FGF10: variants seen among roughly 807,000 people sequenced by gnomAD.
FGF10 encodes FGF-10.
Under a neutral mutation model 19.8 loss-of-function variants are expected in FGF10, and 2 were observed. The ratio of observed to expected loss-of-function variants is 0.10; its 90% confidence interval spans 0.04 to 0.32. FGF10 has a LOEUF of 0.32. Among genes scored for constraint, FGF10 ranks in the 10% least tolerant of loss-of-function variants. The probability of loss-of-function intolerance (pLI) is 1.00; values close to 1 mark genes in which losing one functional copy is unlikely to be tolerated. For missense variants in FGF10, 191 were observed against 246.3 expected, an observed-to-expected ratio of 0.78 and a Z score of 1.50; for synonymous variants, 112 against 94.0, an observed-to-expected ratio of 1.19 and a Z score of -1.10.
intron 1 of FGF10, among the ~76,000 whole-genome samples, chr5:44,368,720 G>A (rs1741676233): frequency 6.6e-6 from 1 of 152,050 alleles, no homozygotes; most frequent in Non-Finnish European, 1.5e-5. Context: ...CCAGGCTAGG[G>A]TTCAGTGGCA....
chr5:44,356,316 G>C (rs1402545311), intron 1 of FGF10, among the ~76,000 whole-genome samples: 1 of 151,354 alleles, frequency 6.6e-6, no homozygotes, highest in Non-Finnish European at 1.5e-5. Flanking sequence ...ATTGGGTAGT[G>C]AATTAAACCT....
At chr5:44,312,585 T>C (rs976390085) in intron 1 of FGF10, among the ~76,000 whole-genome samples, 1 of 152,092 alleles carries the variant, frequency 6.6e-6, no homozygotes, top group African/African-American at 2.4e-5. Flanking sequence ...CCATAGAGGA[T>C]AACGTCTGAA....
intron 1 of FGF10, among the ~76,000 whole-genome samples, chr5:44,377,169 G>A (rs148037709): frequency 5.0e-4 from 76 of 152,280 alleles, no homozygotes; most frequent in Non-Finnish European, 9.4e-4. Context: ...CTGTCTAGCT[G>A]GAGTCCCTTA....
chr5:44,367,060 GAGA>G (rs1741632319), intron 1 of FGF10, among the ~76,000 whole-genome samples: 1 of 151,998 alleles, frequency 6.6e-6, no homozygotes, highest in Non-Finnish European at 1.5e-5. Context: ...CCTCATATGT[GAGA>G]AGGTTAAAAA....
chr5:44,376,518 C>CCAAAAAAAAAAAAAAAAAAAAAAAAAA (rs1741866925), intron 1 of FGF10, among the ~76,000 whole-genome samples: 1 of 72,694 alleles, frequency 1.4e-5, no homozygotes, highest in Non-Finnish European at 2.7e-5. Flanking sequence ...AAAAAAAAAA[C>CCAAAAAAAAAAAAAAAAAAAAAAAAAA]AAAAAACCCA....
At chr5:44,362,344 T>C (rs1741508915) in intron 1 of FGF10, among the ~76,000 whole-genome samples, 1 of 151,698 alleles carries the variant, frequency 6.6e-6, no homozygotes, top group Non-Finnish European at 1.5e-5. Context: ...TTTCCTAGTA[T>C]TCTTGCTCCA....
At chr5:44,383,645 T>C (rs1193285644) in intron 1 of FGF10, among the ~76,000 whole-genome samples, 1 of 152,094 alleles carries the variant, frequency 6.6e-6, no homozygotes, top group East Asian at 1.9e-4. Context: ...AATAGATTTA[T>C]GATAAATCCA....
Position 44,370,650 on chromosome 5 carries a change from A to G in FGF10, c.325+17708T>C, listed in dbSNP as rs191755502. ...AGCTGTTTCAGTCAGCCTCAGCTCCATAAAAGCTCCATTACCCTAAGACTT... is the reference window on the plus strand; with the variant it reads ...AGCTGTTTCAGTCAGCCTCAGCTCCGTAAAAGCTCCATTACCCTAAGACTT... On this transcript the variant is annotated intron_variant, in intron 1 of 2. Transcript: ENST00000264664. Among the ~76,000 whole-genome samples the G allele has an allele frequency of 1.1e-4, 16 of 152,242 alleles. No individual in the cohort carries two copies. In the South Asian group the frequency reaches 2.1e-3, roughly 20 times the overall value.
At chr5:44,329,784 T>C (rs1490991937) in intron 1 of FGF10, among the ~76,000 whole-genome samples, 1 of 152,162 alleles carries the variant, frequency 6.6e-6, no homozygotes. Context: ...TCCCAACCCT[T>C]AAGCACGGGT....
intron 1 of FGF10, among the ~76,000 whole-genome samples, chr5:44,345,221 T>C (rs940256425): frequency 7.3e-5 from 11 of 151,666 alleles, no homozygotes; most frequent in Non-Finnish European, 1.3e-4. Context: ...AAACAAACAA[T>C]ATACTGCTGG....
At chr5:44,367,843 GTTT>G (rs5867664) in intron 1 of FGF10, among the ~76,000 whole-genome samples, 2,130 of 145,494 alleles carry the variant, frequency 0.015, 48 homozygotes, top group African/African-American at 0.05. Flanking sequence ...TTTGTATGCT[GTTT>G]TTTTTTTTTT....
chr5:44,355,765 G>T (rs369650506), intron 1 of FGF10, among the ~76,000 whole-genome samples: 1 of 151,366 alleles, frequency 6.6e-6, no homozygotes, highest in African/African-American at 2.4e-5. Context: ...TGAGAACAGA[G>T]TGTATTTATA....
intron 1 of FGF10, among the ~76,000 whole-genome samples, chr5:44,359,197 A>G (rs1351635): frequency 0.53 from 80,820 of 151,294 alleles, 23,711 homozygotes; most frequent in Non-Finnish European, 0.67. Context: ...TTTATGTGCC[A>G]GTAAAGTTTT....
intron 1 of FGF10, among the ~76,000 whole-genome samples, chr5:44,381,073 A>G (rs1741972947): frequency 6.6e-6 from 1 of 152,222 alleles, no homozygotes; most frequent in South Asian, 2.1e-4. Flanking sequence ...AAATAGGAAA[A>G]GCAGGAAGAG....
At chr5:44,342,805 A>T (rs1284149175) in intron 1 of FGF10, among the ~76,000 whole-genome samples, 1 of 152,024 alleles carries the variant, frequency 6.6e-6, no homozygotes, top group African/African-American at 2.4e-5. Context: ...TCTCTGTTTT[A>T]CATGAGTAAA....
chr5:44,315,339 A>G (rs1356339648), intron 1 of FGF10, among the ~76,000 whole-genome samples: 1 of 152,114 alleles, frequency 6.6e-6, no homozygotes, highest in Non-Finnish European at 1.5e-5. Context: ...GGATTTGGGA[A>G]GTTGAGAAGG....
chr5:44,321,491 T>C (rs987135857), intron 1 of FGF10, among the ~76,000 whole-genome samples: 9 of 152,186 alleles, frequency 5.9e-5, no homozygotes, highest in South Asian at 4.1e-4. Flanking sequence ...GAAAACTGAA[T>C]TGGTCATTTT....
chr5:44,379,961 AGCT>A (rs1741950408), intron 1 of FGF10, among the ~76,000 whole-genome samples: 1 of 152,130 alleles, frequency 6.6e-6, no homozygotes, highest in African/African-American at 2.4e-5. Context: ...AGCATATTTG[AGCT>A]CTAAAACACT....
chr5:44,307,804 G>A (rs942997571), intron 2 of FGF10, among the ~76,000 whole-genome samples: 23 of 152,150 alleles, frequency 1.5e-4, no homozygotes, highest in East Asian at 7.7e-4. Flanking sequence ...TAAATTTTTC[G>A]TTTAATTTGA....
Sources: gnomAD v4.1 joint callset for allele counts (sites outside exome capture counted in the v4.1 genomes callset) on GRCh38, gnomAD v4.1.1 for gene constraint, MANE v1.5 for transcripts, NCBI Gene and HGNC (gene_info 2026-07-23, HGNC 2026-07-21) for gene names.